Variants in FCHSD1 observed in about 807,000 individuals in gnomAD.
The protein encoded by FCHSD1 is FCH and double SH3 domains 1, also known as F-BAR and double SH3 domains protein 1.
Under a neutral mutation model 101.3 loss-of-function variants are expected in FCHSD1, and 109 were observed. That is an observed-to-expected ratio of 1.08 (90% confidence interval 0.92 to 1.26). FCHSD1 has a LOEUF of 1.26. FCHSD1 is among the 50% of genes most tolerant of loss of function. The pLI is 0.00. For missense variants in FCHSD1, 820 were observed against 895.8 expected (o/e 0.92, Z 1.08); for synonymous variants, 291 against 356.8 (o/e 0.82, Z 2.08).
Position 141,644,331 on chromosome 5 carries a change from C to G in FCHSD1, c.1750G>C (p.Asp584His). ...AATTCTCCCCTCCAGAAGCCGTCATCTACTCCATCTTGGGCCCGGGGCAGC... is the reference window on the plus strand; with the variant it reads ...AATTCTCCCCTCCAGAAGCCGTCATGTACTCCATCTTGGGCCCGGGGCAGC... ...RLLPRAQDGV[D>H]DGFWRGEFGG... Residue 584 changes from aspartate to histidine, a missense_variant, in exon 17 of 20, where the codon GAT (aspartate) becomes CAT (histidine). By Grantham distance (81) the Asp-to-His change is moderately conservative (BLOSUM62 -1). Transcript: ENST00000435817. 2 of 1,614,014 alleles carry G rather than the reference C, an allele frequency of 1.2e-6. No homozygotes were observed. Among genetic ancestry groups the G allele is most frequent in the Non-Finnish European group, 1.7e-6 (2 of 1,179,872 alleles).
In FCHSD1 at chr5:141,640,223, G is replaced by T; in HGVS notation, c.*1275C>A. The T allele has an allele frequency of 6.2e-7, 1 of 1,614,170 alleles. No homozygotes were observed. The highest frequency in any genetic ancestry group is 1.3e-5 in the African/African-American group (1 of 75,056). ...AGCCAACACTGAGGGCCGGAGGGAGGGGCCCAAGCCCAGGGCTGCCCACTC... is the reference window on the plus strand; with the variant it reads ...AGCCAACACTGAGGGCCGGAGGGAGTGGCCCAAGCCCAGGGCTGCCCACTC... On this transcript the variant is annotated 3_prime_UTR_variant, in exon 20 of 20. Coordinates refer to ENST00000435817, the MANE Select transcript of FCHSD1 (RefSeq NM_033449.3).
chr5:141,644,180 G>C, intron 17 of FCHSD1, 38 bp downstream of exon 17: 1 of 1,565,220 alleles, frequency 6.4e-7, no homozygotes. Context: ...GGTCAACCCA[G>C]AGGTGCCTGG....
rs758942806 is a variant in FCHSD1 at position 141,645,121 on chromosome 5, C to T, written c.1339G>A (p.Glu447Lys). The change falls in exon 14 of 20, where the codon GAG (glutamate) becomes AAG (lysine). Residue 447 changes from glutamate to lysine, a missense_variant. Physicochemically the swap from Glu to Lys is moderately conservative, Grantham distance 56 (BLOSUM62 1). Coordinates refer to ENST00000435817, the MANE Select transcript of FCHSD1 (RefSeq NM_033449.3). ...TAEDAELSDF[E>K]ECEETGELFE... ...AGCTCTCCCGTCTCCTCACATTCCT[C>T]AAAGTCAGAAAGCTCAGCATCCTCA... 1.3e-6 allele frequency: 2 copies of T among 1,564,374 alleles called. No individual in the cohort carries two copies. The highest frequency in any genetic ancestry group is 4.5e-5 in the East Asian group (2 of 44,482).
chr5:141,648,694 C>T (rs572899583), intron 7 of FCHSD1, among the ~76,000 whole-genome samples: 3 of 152,176 alleles, frequency 2.0e-5, no homozygotes, highest in Non-Finnish European at 4.4e-5. Context: ...TCCACTGTAT[C>T]CATAATGTCT....
rs181924978 is a variant in FCHSD1, at chr5:141,645,921, C to T, written c.1161G>A (p.Val387=). 93 of 1,565,078 alleles carry T rather than the reference C, an allele frequency of 5.9e-5. 2 individuals are homozygous for T. The East Asian group carries it at 2.1e-3, about 35-fold the overall frequency. Residue 387 remains valine, a synonymous_variant, in exon 13 of 20, where the codon GTG becomes GTA. Coordinates refer to ENST00000435817, the MANE Select transcript of FCHSD1 (RefSeq NM_033449.3). ...GCAGGGCCAGCCGGGCAGCCCCCTT[C>T]ACCTGGCTCACCTGCCATGGGGAGG... ...ESIRRAQVSQ[V]KGAARLALLQ... is the part of the protein sequence containing the mutation.
chr5:141,647,680 T>C, intron 8 of FCHSD1, 160 bp from the exon 9 acceptor site: 6 of 1,155,942 alleles, frequency 5.2e-6, no homozygotes, highest in Non-Finnish European at 7.3e-6. Flanking sequence ...ACTTAGAAGT[T>C]TAAAACACGT....
intron 9 of FCHSD1, 76 bp downstream of exon 9, chr5:141,647,322 G>A (rs1024398862): frequency 7.0e-6 from 11 of 1,565,410 alleles, no homozygotes; most frequent in Non-Finnish European, 9.5e-6. Context: ...GACAATGTGT[G>A]AAGCAAAGAG....
rs1453664441 is a variant in FCHSD1 at position 141,644,659 on chromosome 5, A to G, written c.1556T>C (p.Val519Ala). The part of the protein sequence containing the change: ...ARNQHGEVGF[V>A]PERYLNFPDL... ...CGGGAAGTTGAGATATCGCTCAGGG[A>G]CAAAGCCTACCTCGCCGTGCTGGTT... is the stretch of plus-strand genomic sequence containing the variant. The change falls in exon 16 of 20, where the codon GTC becomes GCC. Residue 519 changes from valine to alanine, a missense_variant. Val to Ala is a moderately conservative substitution (Grantham distance 64). Coordinates refer to ENST00000435817, the MANE Select transcript of FCHSD1 (RefSeq NM_033449.3). 1.1e-5 allele frequency: 18 copies of G among 1,613,750 alleles called. No homozygotes were observed. Among genetic ancestry groups the G allele is most frequent in the Non-Finnish European group, 1.4e-5 (17 of 1,179,850 alleles).
intron 17 of FCHSD1, among the ~76,000 whole-genome samples, chr5:141,644,001 A>G (rs890216823): frequency 6.6e-6 from 1 of 152,212 alleles, no homozygotes; most frequent in African/African-American, 2.4e-5. Flanking sequence ...ATTTGAACTC[A>G]GATCTATCCA....
At position 141,649,312 on chromosome 5, in the gene FCHSD1, T is replaced by C. The variant is rs374116574; in HGVS notation, c.376-4A>G. ...CCCTCTGGAGGTTCTCTGTTCCCTA[T>C]TGGGATGCATACACAAAGTCCTTAC... is the stretch of plus-strand genomic sequence containing the variant. On this transcript the variant is annotated splice_region_variant and splice_polypyrimidine_tract_variant and intron_variant, in intron 5 of 19. Coordinates refer to ENST00000435817, the MANE Select transcript of FCHSD1 (RefSeq NM_033449.3). This position sits in a 1 kb window ranked among gnomAD's most constrained non-coding sequence, Gnocchi z 4.1. 1,109 of 1,613,896 alleles carry C rather than the reference T, an allele frequency of 6.9e-4. 2 individuals are homozygous for C. The highest frequency in any genetic ancestry group is 8.7e-4 in the Non-Finnish European group (1,028 of 1,179,894).
chr5:141,640,502 CTATT>C lies in FCHSD1; in HGVS notation c.*992_*995del. 1.2e-6 allele frequency: 2 copies of C among 1,613,792 alleles called. No homozygotes were observed. The highest frequency in any genetic ancestry group is 1.7e-6 in the Non-Finnish European group (2 of 1,179,826). ...CTCATCTTCCCATCACCTACTTAAACTATTTAAGCCTTTCGGCTCCCTGAACCCC... is the reference window on the plus strand; with the variant it reads ...CTCATCTTCCCATCACCTACTTAAACTAAGCCTTTCGGCTCCCTGAACCCC... On this transcript the variant is annotated 3_prime_UTR_variant, in exon 20 of 20. Transcript: ENST00000435817.
rs1346368861 is a variant in FCHSD1, at chr5:141,640,305, C to T, written c.*1193G>A. On this transcript the variant is annotated 3_prime_UTR_variant, in exon 20 of 20. Transcript: ENST00000435817. ...CACTTCTGATCACCAGGTAGGAAAA[C>T]ACAGCCGGGACTGCACTGGGCTGGG... 2.5e-6 allele frequency: 4 copies of T among 1,613,642 alleles called. No individual in the cohort carries two copies. The South Asian group carries it at 3.3e-5, about 13-fold the overall frequency.
In FCHSD1 at chr5:141,644,896, T is replaced by G; in HGVS notation, c.1487A>C (p.Glu496Ala). 1.9e-6 allele frequency: 3 copies of G among 1,613,170 alleles called. No individual in the cohort carries two copies. The highest frequency in any genetic ancestry group is 2.5e-6 in the Non-Finnish European group (3 of 1,179,768). Residue 496 changes from glutamate (E) to alanine (A), a missense_variant, in exon 15 of 20, where the codon GAG (glutamate) becomes GCG (alanine). Transcript: ENST00000435817. ...GTCAGCATCTCCCTCCTCTATGACCTCCAGCCACTCACCCTCCGTGATTGT... is the reference window on the plus strand; with the variant it reads ...GTCAGCATCTCCCTCCTCTATGACCGCCAGCCACTCACCCTCCGTGATTGT... ...ELTITEGEWL[E>A]VIEEGDADEW... is the part of the protein sequence containing the mutation.
At chr5:141,650,434 G>T in intron 2 of FCHSD1, 30 bp from the exon 3 acceptor site, 1 of 1,613,786 alleles carries the variant, frequency 6.2e-7, no homozygotes, top group Non-Finnish European at 8.5e-7. Flanking sequence ...GGGGTGAGGT[G>T]GGGGATAAGG....
Position 141,641,149 on chromosome 5 carries a change from G to A in FCHSD1, c.*349C>T. On this transcript the variant is annotated 3_prime_UTR_variant, in exon 20 of 20. Transcript: ENST00000435817. Reference sequence around the variant, plus strand: ...CCAACCCCAGTGACCCTGGCATCCAGAGTGGGGTGGGTCATGGAGCCAGGG... The same window carrying A: ...CCAACCCCAGTGACCCTGGCATCCAAAGTGGGGTGGGTCATGGAGCCAGGG... 1 of 327,450 alleles carries A rather than the reference G, an allele frequency of 3.1e-6. No individual in the cohort carries two copies. The highest frequency in any genetic ancestry group is 5.6e-6 in the Non-Finnish European group (1 of 179,728). The allele number at this position is 327,450 out of a possible 1,614,324, so 20.3% of individuals were successfully genotyped here. A position where few individuals can be genotyped will look rare whatever the true frequency, so the allele number is the denominator to read the frequency against.
rs2099908050 is a variant in FCHSD1 at position 141,649,192 on chromosome 5, C to A, written c.492G>T (p.Lys164Asn). 6.2e-7 allele frequency: 1 copy of A among 1,613,904 alleles called. No individual in the cohort carries two copies. The highest frequency in any genetic ancestry group is 1.1e-5 in the South Asian group (1 of 91,094). Reference sequence around the variant, plus strand: ...CCCACCTGGCCTGGACATCAGCCGCCTTCTCCTGTGCCAAGGCCCACACAC... The same window carrying A: ...CCCACCTGGCCTGGACATCAGCCGCATTCTCCTGTGCCAAGGCCCACACAC... ...RERVWALAQE[K>N]AADVQARLNR... The change falls in exon 6 of 20, where the codon AAG becomes AAT. Residue 164 changes from lysine (K) to asparagine (N), a missense_variant. Coordinates refer to ENST00000435817, the MANE Select transcript of FCHSD1 (RefSeq NM_033449.3). The surrounding 1 kb of genome is among the most constrained non-coding windows in gnomAD (Gnocchi z 4.1).
chr5:141,640,897 C>A lies in FCHSD1; in HGVS notation c.*601G>T, dbSNP rs778650886. ...GCTGCCTGCCCCGCCTTCCCCAACA[C>A]CTCGCTCCATATGATAGAGCGTGGC... On this transcript the variant is annotated 3_prime_UTR_variant, in exon 20 of 20. Coordinates refer to ENST00000435817, the MANE Select transcript of FCHSD1 (RefSeq NM_033449.3). The A allele has an allele frequency of 6.9e-6, 4 of 582,336 alleles. No individual in the cohort carries two copies. The highest frequency in any genetic ancestry group is 9.1e-6 in the Non-Finnish European group (3 of 328,748). The allele number at this position is 582,336 out of a possible 1,614,324, so 36.1% of individuals were successfully genotyped here. A position where few individuals can be genotyped will look rare whatever the true frequency, so the allele number is the denominator to read the frequency against.
chr5:141,648,137 C>A (rs779389441), intron 7 of FCHSD1, 41 bp from the exon 8 acceptor site: 1 of 1,564,446 alleles, frequency 6.4e-7, no homozygotes, highest in South Asian at 1.2e-5. Context: ...CCCTAGACCC[C>A]CAGAGTCCTT....
rs1223713642 is a variant in FCHSD1, at chr5:141,641,254, C to T, written c.*244G>A. On this transcript the variant is annotated 3_prime_UTR_variant, in exon 20 of 20. Coordinates refer to ENST00000435817, the MANE Select transcript of FCHSD1 (RefSeq NM_033449.3). ...CCAGAGATTTCAGGCATTTCACCAC[C>T]CTAGATAGGGTCATGACAGAAGAGA... 2.3e-6 allele frequency: 1 copy of T among 427,374 alleles called. No individual in the cohort carries two copies. Among genetic ancestry groups the T allele is most frequent in the Non-Finnish European group, 4.1e-6 (1 of 242,956 alleles). The allele number at this position is 427,374 out of a possible 1,614,324, so 26.5% of individuals were successfully genotyped here. A position where few individuals can be genotyped will look rare whatever the true frequency, so the allele number is the denominator to read the frequency against.
Sources: gnomAD v4.1 joint callset for allele counts (sites outside exome capture counted in the v4.1 genomes callset) on GRCh38, gnomAD v4.1.1 for gene constraint, Gnocchi (gnomAD v3.1) non-coding constraint, MANE v1.5 for transcripts, NCBI Gene and HGNC (gene_info 2026-07-23, HGNC 2026-07-21) for gene names.